The following SLC24A2 variants were observed in gnomAD, a reference collection of about 807,000 sequenced individuals.
SLC24A2 encodes sodium/potassium/calcium exchanger 2.
SLC24A2 carries 36 observed loss-of-function variants against 62.0 expected under a neutral mutation model. The ratio of observed to expected loss-of-function variants is 0.58; its 90% confidence interval spans 0.44 to 0.77. The LOEUF (loss-of-function observed/expected upper bound fraction) is 0.77, where lower values mean the gene tolerates loss of function less well. SLC24A2 is among the 30% of genes least tolerant of loss of function. SLC24A2 has a pLI of 0.00. For missense variants in SLC24A2, 846 were observed against 817.9 expected (o/e 1.03, Z -0.42); for synonymous variants, 358 against 294.0 (o/e 1.22, Z -2.23).
At chr9:19,569,474 A>C (rs374432082) in intron 7 of SLC24A2, among the ~76,000 whole-genome samples, 3 of 152,330 alleles carry the variant, frequency 2.0e-5, no homozygotes, top group African/African-American at 7.2e-5. Flanking sequence ...GGTGAAGTCC[A>C]GACTGGTTGG....
chr9:20,165,278 A>G, the SLC24A2 span, among the ~76,000 whole-genome samples: 5 of 151,492 alleles, frequency 3.3e-5, no homozygotes, highest in Non-Finnish European at 5.9e-5. Context: ...AATGCTACAA[A>G]TTTTTTTTTC....
the SLC24A2 span, among the ~76,000 whole-genome samples, chr9:20,049,867 G>A: frequency 6.6e-6 from 1 of 152,042 alleles, no homozygotes; most frequent in Non-Finnish European, 1.5e-5. Context: ...CAATGGAACA[G>A]ACATGGCCAC....
At chr9:19,995,400 C>G in the SLC24A2 span, among the ~76,000 whole-genome samples, 1 of 152,024 alleles carries the variant, frequency 6.6e-6, no homozygotes, top group Non-Finnish European at 1.5e-5. Flanking sequence ...TGTCCTGGCT[C>G]TGGGGAAGGA....
At chr9:20,203,729 C>CAGA in the SLC24A2 span, among the ~76,000 whole-genome samples, 1 of 151,768 alleles carries the variant, frequency 6.6e-6, no homozygotes, top group African/African-American at 2.4e-5. Flanking sequence ...GCAGCAGCAG[C>CAGA]AGAAGAAGAA....
At chr9:19,579,728 A>G (rs1836146739) in intron 5 of SLC24A2, among the ~76,000 whole-genome samples, 1 of 152,250 alleles carries the variant, frequency 6.6e-6, no homozygotes, top group African/African-American at 2.4e-5. Flanking sequence ...AAAGTCATGA[A>G]TCATGACACA....
chr9:20,028,651 C>G, the SLC24A2 span, among the ~76,000 whole-genome samples: 1 of 152,312 alleles, frequency 6.6e-6, no homozygotes, highest in African/African-American at 2.4e-5. Context: ...CCCCGCCTTG[C>G]AGAGCCCATC....
chr9:20,159,335 C>T, the SLC24A2 span, among the ~76,000 whole-genome samples: 3 of 151,630 alleles, frequency 2.0e-5, no homozygotes, highest in African/African-American at 7.3e-5. Context: ...TAATACCTTG[C>T]ATATACACTA....
the SLC24A2 span, among the ~76,000 whole-genome samples, chr9:20,009,754 C>G: frequency 2.0e-5 from 3 of 152,144 alleles, no homozygotes; most frequent in South Asian, 2.1e-4. Context: ...CGGCAATTAC[C>G]TGGGGAGGGA....
Position 19,521,059 on chromosome 9 carries a change from A to G in SLC24A2, c.1571T>C (p.Val524Ala), listed in dbSNP as rs1400159047. Residue 524 changes from valine (V) to alanine (A), a missense_variant and splice_region_variant, in exon 10 of 11, where the codon GTT becomes GCT. Val to Ala is a moderately conservative substitution (Grantham distance 64). Coordinates refer to ENST00000341998, the MANE Select transcript of SLC24A2 (RefSeq NM_020344.4). Reference sequence around the variant, plus strand: ...TTCACTGATGCCAATTGTCTCTCCAACCTAAATGTCAGGACAGGAATAAAC... The same window carrying G: ...TTCACTGATGCCAATTGTCTCTCCAGCCTAAATGTCAGGACAGGAATAAAC... The part of the protein sequence containing the change: ...SYLMVWWAHQ[V>A]GETIGISEEI... 6.2e-7 allele frequency: 1 copy of G among 1,613,886 alleles called. No homozygotes were observed. The highest frequency in any genetic ancestry group is 8.5e-7 in the Non-Finnish European group (1 of 1,179,926).
chr9:20,174,117 C>T, the SLC24A2 span, among the ~76,000 whole-genome samples: 2 of 151,936 alleles, frequency 1.3e-5, no homozygotes, highest in Non-Finnish European at 2.9e-5. Flanking sequence ...TCCTATTCAA[C>T]AAATGATGCT....
At position 19,521,074 on chromosome 9, in the gene SLC24A2, C is replaced by G. The variant is rs768302175; in HGVS notation, c.1570-14G>C. ...TGTCTCTCCAACCTAAATGTCAGGA[C>G]AGGAATAAACATCTCAGTGTTTGAA... On this transcript the variant is annotated splice_polypyrimidine_tract_variant and intron_variant, in intron 9 of 10. Transcript: ENST00000341998. 3.1e-6 allele frequency: 5 copies of G among 1,613,100 alleles called. No homozygotes were observed. The African/African-American group carries it at 6.7e-5, about 22-fold the overall frequency.
At chr9:19,910,445 G>A in the SLC24A2 span, among the ~76,000 whole-genome samples, 3 of 152,058 alleles carry the variant, frequency 2.0e-5, no homozygotes, top group African/African-American at 7.2e-5. Context: ...CTTCCAGACT[G>A]AGGCTATAGA....
the SLC24A2 span, among the ~76,000 whole-genome samples, chr9:20,027,158 C>A: frequency 1.3e-5 from 2 of 151,564 alleles, no homozygotes; most frequent in Non-Finnish European, 3.0e-5. Flanking sequence ...ATCAAAAGGA[C>A]AAAGATAGCA....
At chr9:20,132,227 C>T in the SLC24A2 span, among the ~76,000 whole-genome samples, 2 of 151,716 alleles carry the variant, frequency 1.3e-5, no homozygotes, top group African/African-American at 2.4e-5. Context: ...GGCTTCACCG[C>T]GCAGAAGCAG....
chr9:20,246,412 A>C, the SLC24A2 span, among the ~76,000 whole-genome samples: 2 of 152,228 alleles, frequency 1.3e-5, no homozygotes, highest in Non-Finnish European at 2.9e-5. Context: ...TTGCAATTTC[A>C]GAATTACCCA....
At chr9:19,666,227 A>G (rs1819248571) in intron 2 of SLC24A2, among the ~76,000 whole-genome samples, 1 of 151,938 alleles carries the variant, frequency 6.6e-6, no homozygotes, top group Admixed American at 6.6e-5. Flanking sequence ...CAACATGGGG[A>G]GACCTCATCT....
chr9:19,785,716 TGAA>T (rs1823144254), intron 2 of SLC24A2, among the ~76,000 whole-genome samples: 1 of 152,220 alleles, frequency 6.6e-6, no homozygotes, highest in Non-Finnish European at 1.5e-5. Context: ...TGTTTTACTC[TGAA>T]GCAAGTAGCT....
chr9:20,242,338 G>T, the SLC24A2 span, among the ~76,000 whole-genome samples: 1 of 152,300 alleles, frequency 6.6e-6, no homozygotes, highest in Non-Finnish European at 1.5e-5. Flanking sequence ...AAAGAGGAAA[G>T]ACTTCCTACT....
chr9:19,577,028 G>A lies in SLC24A2; in HGVS notation c.1130-6C>T. ...AGCCTTTTCTCTGAACCTCCCTGAA[G>A]CAAAAGAAAGTGGCAGGAAGGAGAC... On this transcript the variant is annotated splice_region_variant and splice_polypyrimidine_tract_variant and intron_variant, in intron 5 of 10. Coordinates refer to ENST00000341998, the MANE Select transcript of SLC24A2 (RefSeq NM_020344.4). 1.2e-6 allele frequency: 2 copies of A among 1,611,342 alleles called. No individual in the cohort carries two copies. The highest frequency in any genetic ancestry group is 1.7e-6 in the Non-Finnish European group (2 of 1,177,436).
Sources: gnomAD v4.1 joint callset for allele counts (sites outside exome capture counted in the v4.1 genomes callset) on GRCh38, gnomAD v4.1.1 for gene constraint, MANE v1.5 for transcripts, NCBI Gene and HGNC (gene_info 2026-07-23, HGNC 2026-07-21) for gene names.